Variants in MEOX2 observed in about 807,000 individuals in gnomAD.
MEOX2 encodes the protein mesenchyme homeobox 2, also known as homeobox protein MOX-2.
In MEOX2, 11 loss-of-function variants were observed where a neutral mutation model predicts 27.0. That is an observed-to-expected ratio of 0.41 (90% CI 0.26 to 0.68). The LOEUF (loss-of-function observed/expected upper bound fraction) is 0.68, where lower values mean the gene tolerates loss of function less well. Among genes scored for constraint, MEOX2 ranks in the 30% least tolerant of loss-of-function variants. The pLI is 0.33. For synonymous variants in MEOX2, 189 were observed against 155.4 expected, an observed-to-expected ratio of 1.22 and a Z score of -1.61; for missense variants, 436 against 385.4, an observed-to-expected ratio of 1.13 and a Z score of -1.10.
intron 1 of MEOX2, among the ~76,000 whole-genome samples, chr7:15,663,404 C>T (rs1322253833): frequency 1.3e-5 from 2 of 151,694 alleles, no homozygotes; most frequent in African/African-American, 4.8e-5. Flanking sequence ...ACGATCTCAG[C>T]TCACTGAAAC....
intron 2 of MEOX2, among the ~76,000 whole-genome samples, chr7:15,622,019 G>A (rs1269588779): frequency 1.3e-5 from 2 of 152,102 alleles, no homozygotes; most frequent in East Asian, 3.9e-4. Context: ...CAGAGAGACT[G>A]AGGAAGAGAA....
At chr7:15,675,814 C>T (rs775385305) in intron 1 of MEOX2, among the ~76,000 whole-genome samples, 21 of 152,168 alleles carry the variant, frequency 1.4e-4, no homozygotes, top group Non-Finnish European at 2.6e-4. Context: ...TGTGTATTAT[C>T]GGACATTTAA....
At chr7:15,638,478 T>C (rs1339723893) in intron 1 of MEOX2, among the ~76,000 whole-genome samples, 1 of 152,066 alleles carries the variant, frequency 6.6e-6, no homozygotes, top group African/African-American at 2.4e-5. Context: ...TTTGTGCATA[T>C]GTAAAACATT....
In MEOX2 at chr7:15,630,152, C is replaced by T. The variant is rs545179562; in HGVS notation, c.518-3234G>A. On this transcript the variant is annotated intron_variant, in intron 1 of 2. Coordinates refer to ENST00000262041, the MANE Select transcript of MEOX2 (RefSeq NM_005924.5). ...TGGGTCCATTCACACACTCTCTCAG[C>T]GCTTCGAGGAAATGTTGACTTATGT... Among the ~76,000 whole-genome samples, 4 of 152,150 alleles carry T rather than the reference C, an allele frequency of 2.6e-5. No individual in the cohort carries two copies. The South Asian group carries it at 6.2e-4, about 24-fold the overall frequency.
At chr7:15,670,948 C>G (rs1195684928) in intron 1 of MEOX2, among the ~76,000 whole-genome samples, 1 of 152,016 alleles carries the variant, frequency 6.6e-6, no homozygotes, top group African/African-American at 2.4e-5. Context: ...TACTAATGTC[C>G]AGATAAAATA....
chr7:15,657,800 G>T (rs1781848209), intron 1 of MEOX2, among the ~76,000 whole-genome samples: 3 of 152,166 alleles, frequency 2.0e-5, no homozygotes, highest in Non-Finnish European at 2.9e-5. Flanking sequence ...CTGAAACCTG[G>T]ATAGTTTTAG....
intron 1 of MEOX2, among the ~76,000 whole-genome samples, chr7:15,639,922 TTTTG>T (rs987974328): frequency 1.1e-4 from 16 of 152,152 alleles, no homozygotes; most frequent in African/African-American, 3.6e-4. Flanking sequence ...TGCTTTTGTT[TTTTG>T]TTTGTTTGTT....
intron 1 of MEOX2, among the ~76,000 whole-genome samples, chr7:15,675,618 G>T (rs59555958): frequency 0.015 from 2,351 of 152,242 alleles, 62 homozygotes; most frequent in African/African-American, 0.053. Flanking sequence ...CCCTCATCTA[G>T]GAAATACATT....
At chr7:15,637,473 A>G (rs1562601065) in intron 1 of MEOX2, among the ~76,000 whole-genome samples, 2 of 151,942 alleles carry the variant, frequency 1.3e-5, no homozygotes, top group Admixed American at 6.6e-5. Flanking sequence ...GCTACCACCC[A>G]CAAAAAGAGG....
intron 1 of MEOX2, among the ~76,000 whole-genome samples, chr7:15,663,242 A>G (rs1781944593): frequency 6.6e-6 from 1 of 152,208 alleles, no homozygotes; most frequent in Non-Finnish European, 1.5e-5. Context: ...TTGAAAATTA[A>G]TGAGTAAGAA....
chr7:15,625,748 G>T (rs75798691), intron 2 of MEOX2, among the ~76,000 whole-genome samples: 1 of 152,066 alleles, frequency 6.6e-6, no homozygotes. Context: ...ACTGTTAACC[G>T]GCAGTAGGCT....
chr7:15,621,959 A>T (rs546833347), intron 2 of MEOX2, among the ~76,000 whole-genome samples: 43 of 152,142 alleles, frequency 2.8e-4, no homozygotes, highest in Non-Finnish European at 3.7e-4. Flanking sequence ...CCTACTAAAA[A>T]TACAAAAAAT....
At chr7:15,619,354 G>C (rs1781179174) in intron 2 of MEOX2, among the ~76,000 whole-genome samples, 1 of 151,960 alleles carries the variant, frequency 6.6e-6, no homozygotes, top group African/African-American at 2.4e-5. Context: ...TGATGATGCT[G>C]TGATGTAATG....
chr7:15,629,833 T>C (rs1781373890), intron 1 of MEOX2, among the ~76,000 whole-genome samples: 1 of 152,098 alleles, frequency 6.6e-6, no homozygotes, highest in Non-Finnish European at 1.5e-5. Context: ...TCTACTGCCA[T>C]TACCCAGCTA....
At chr7:15,659,979 A>G (rs936689193) in intron 1 of MEOX2, among the ~76,000 whole-genome samples, 2 of 152,178 alleles carry the variant, frequency 1.3e-5, no homozygotes, top group Non-Finnish European at 2.9e-5. Context: ...AAGTTAATAA[A>G]TGATTACAAT....
chr7:15,666,815 G>A lies in MEOX2; in HGVS notation c.517+19071C>T, dbSNP rs1449197064. Among the ~76,000 whole-genome samples, 8 of 119,996 alleles carry A rather than the reference G, an allele frequency of 6.7e-5. No individual in the cohort carries two copies. In the South Asian group the frequency reaches 2.2e-3, roughly 33 times the overall value. The allele number at this position is 119,996 out of a possible 152,430, so 78.7% of individuals were successfully genotyped here. A position where few individuals can be genotyped will look rare whatever the true frequency, so the allele number is the denominator to read the frequency against. ...ATATATATATATATATATTCAAATGGTAAAAATTGAGGATATGAACAAGAA... is the reference window on the plus strand; with the variant it reads ...ATATATATATATATATATTCAAATGATAAAAATTGAGGATATGAACAAGAA... On this transcript the variant is annotated intron_variant, in intron 1 of 2. Transcript: ENST00000262041.
chr7:15,672,644 A>G (rs530668936), intron 1 of MEOX2, among the ~76,000 whole-genome samples: 41 of 152,240 alleles, frequency 2.7e-4, no homozygotes, highest in African/African-American at 4.8e-4. Context: ...CATAATCCCA[A>G]CACTTTGGGA....
chr7:15,680,360 A>G (rs1782273496), intron 1 of MEOX2: 1 of 151,984 alleles, frequency 6.6e-6, no homozygotes, highest in Non-Finnish European at 1.5e-5. Context: ...AACGGGAAGA[A>G]CTGTTAGAGA....
chr7:15,626,586 A>G (rs1781311196), intron 2 of MEOX2, among the ~76,000 whole-genome samples, 160 bp downstream of exon 2: 1 of 151,764 alleles, frequency 6.6e-6, no homozygotes, highest in African/African-American at 2.4e-5. Flanking sequence ...TATTATTTTT[A>G]ATTTTGTTAT....
Sources: allele counts gnomAD v4.1 joint callset (sites outside exome capture counted in the v4.1 genomes callset), GRCh38; gene constraint gnomAD v4.1.1; transcripts MANE v1.5; gene names NCBI Gene and HGNC (gene_info 2026-07-23, HGNC 2026-07-21).